The following GJD4 variants were observed in gnomAD, a reference collection of about 807,000 sequenced individuals.
The protein encoded by GJD4 is gap junction protein delta 4.
GJD4 carries 18 observed loss-of-function variants against 17.9 expected under a neutral mutation model. The observed-to-expected ratio is 1.00, with a 90% CI of 0.69 to 1.49. The LOEUF (loss-of-function observed/expected upper bound fraction) is 1.49. Among genes scored for constraint, GJD4 ranks in the 40% most tolerant of loss-of-function variants. The pLI is 0.00. For synonymous variants in GJD4, 293 were observed against 236.8 expected (o/e 1.24, Z -2.18); for missense variants, 639 against 506.9 (o/e 1.26, Z -2.50).
chr10:35,607,401 T>C (rs1835468553), intron 1 of GJD4, 177 bp from the exon 2 acceptor site: 2 of 614,348 alleles, frequency 3.3e-6, no homozygotes, highest in Admixed American at 2.8e-5. Context: ...GCCTGGGCAA[T>C]ATAGCACGAC....
In GJD4 at chr10:35,608,302, G is replaced by A; in HGVS notation, c.789G>A (p.Pro263=). Reference sequence around the variant, plus strand: ...GTGGGCGGGAGGAAGAGGGGGCACCGGCGCCCCCGGGTGCACGCGCCGGAG... The same window carrying A: ...GTGGGCGGGAGGAAGAGGGGGCACCAGCGCCCCCGGGTGCACGCGCCGGAG... ...EEGGREEEGA[P]APPGARAGGE... The change falls in exon 2 of 2, where the codon CCG becomes CCA. Residue 263 remains proline (P), a synonymous_variant. Transcript: ENST00000321660. 2 of 1,548,428 alleles carry A rather than the reference G, an allele frequency of 1.3e-6. No individual in the cohort carries two copies. The highest frequency in any genetic ancestry group is 8.7e-7 in the Non-Finnish European group (1 of 1,149,332).
Position 35,605,357 on chromosome 10 carries a change from A to G in GJD4, c.-211A>G, listed in dbSNP as rs2135487001. 1 of 606,586 alleles carries G rather than the reference A, an allele frequency of 1.6e-6. No homozygotes were observed. Among genetic ancestry groups the G allele is most frequent in the East Asian group, 2.8e-5 (1 of 35,848 alleles). The allele number at this position is 606,586 out of a possible 1,614,324, so 37.6% of individuals were successfully genotyped here. On this transcript the variant is annotated 5_prime_UTR_variant, in exon 1 of 2. Transcript: ENST00000321660. ...TGCTCTGCTGGTCACTGCAGTTGTC[A>G]GGAATGTTTCGCCTCAGAGGCAAAC...
In GJD4 at chr10:35,607,837, C is replaced by G. The variant is rs1448894199; in HGVS notation, c.324C>G (p.Pro108=). 2.5e-6 allele frequency: 4 copies of G among 1,600,094 alleles called. No homozygotes were observed. In the African/African-American group the frequency reaches 5.3e-5, roughly 21 times the overall value. The change falls in exon 2 of 2, where the codon CCC becomes CCG. Residue 108 remains proline, a synonymous_variant. Coordinates refer to ENST00000321660, the MANE Select transcript of GJD4 (RefSeq NM_153368.3). ...GAGCCACGCTCGCCGCGCTGGGCCC[C>G]CGCCGCTGCCCCGACCCCCGGGAGC... The part of the protein sequence containing the change: ...HRGATLAALG[P]RRCPDPREPA...
At position 35,607,260 on chromosome 10, in the gene GJD4, A is replaced by G. The variant is rs143268083; in HGVS notation, c.65-318A>G. Reference sequence around the variant, plus strand: ...AACAAGGATGTTCAGTGCTCAGTAAATATTTGTCAAATGAACTACCTGATG... The same window carrying G: ...AACAAGGATGTTCAGTGCTCAGTAAGTATTTGTCAAATGAACTACCTGATG... On this transcript the variant is annotated intron_variant, in intron 1 of 1. Transcript: ENST00000321660. 9.7e-5 allele frequency: 32 copies of G among 328,438 alleles called. No individual in the cohort carries two copies. In the East Asian group the frequency reaches 1.7e-3, roughly 17 times the overall value. The allele number at this position is 328,438 out of a possible 1,614,324, so 20.3% of individuals were successfully genotyped here.
Position 35,608,001 on chromosome 10 carries a change from T to G in GJD4, c.488T>G (p.Phe163Cys), listed in dbSNP as rs1468631598. 5 of 1,611,904 alleles carry G rather than the reference T, an allele frequency of 3.1e-6. No individual in the cohort carries two copies. The highest frequency in any genetic ancestry group is 4.2e-6 in the Non-Finnish European group (5 of 1,179,548). ...LEAAFGALHY[F>C]LFGFLAPKKF... Reference sequence around the variant, plus strand: ...GCAGCCTTCGGGGCCTTGCACTACTTTCTCTTTGGATTCCTGGCCCCGAAG... The same window carrying G: ...GCAGCCTTCGGGGCCTTGCACTACTGTCTCTTTGGATTCCTGGCCCCGAAG... Residue 163 changes from phenylalanine (F) to cysteine (C), a missense_variant, in exon 2 of 2, where the codon TTT (phenylalanine) becomes TGT (cysteine). By Grantham distance (205) the Phe-to-Cys change is radical (BLOSUM62 -2). Transcript: ENST00000321660.
rs768153609 is a variant in GJD4, at chr10:35,608,270, G to A, written c.757G>A (p.Glu253Lys). Reference protein sequence around the residue: ...SGHAEGRRTDEEGGREEEGAP... With the variant: ...SGHAEGRRTDKEGGREEEGAP... Reference sequence around the variant, plus strand: ...CCACGCGGAGGGACGCCGGACTGACGAGGAGGGTGGGCGGGAGGAAGAGGG... The same window carrying A: ...CCACGCGGAGGGACGCCGGACTGACAAGGAGGGTGGGCGGGAGGAAGAGGG... Residue 253 changes from glutamate to lysine, a missense_variant, in exon 2 of 2, where the codon GAG becomes AAG. Physicochemically the swap from Glu to Lys is moderately conservative, Grantham distance 56 (BLOSUM62 1). Coordinates refer to ENST00000321660, the MANE Select transcript of GJD4 (RefSeq NM_153368.3). The A allele has an allele frequency of 5.1e-6, 8 of 1,566,396 alleles. No homozygotes were observed. Among genetic ancestry groups the A allele is most frequent in the Non-Finnish European group, 6.9e-6 (8 of 1,160,780 alleles).
Position 35,608,792 on chromosome 10 carries a change from G to C in GJD4, c.*166G>C. 1.8e-6 allele frequency: 1 copy of C among 541,790 alleles called. No homozygotes were observed. Among genetic ancestry groups the C allele is most frequent in the South Asian group, 3.1e-5 (1 of 32,114 alleles). The allele number at this position is 541,790 out of a possible 1,614,324, so 33.6% of individuals were successfully genotyped here. On this transcript the variant is annotated 3_prime_UTR_variant, in exon 2 of 2. Transcript: ENST00000321660. ...GTCTCTACAAAATATCTAAAAATTA[G>C]CTGGGCACAGTGGCTCCCTCCTGTA...
intron 1 of GJD4, 24 bp from the exon 2 acceptor site, chr10:35,607,554 C>T: frequency 6.4e-7 from 1 of 1,563,520 alleles, no homozygotes; most frequent in East Asian, 2.2e-5. Flanking sequence ...GGTGATGAGG[C>T]CATGCCCGCT....
At chr10:35,605,757 AC>A in intron 1 of GJD4, 126 bp downstream of exon 1, 1 of 715,174 alleles carries the variant, frequency 1.4e-6, no homozygotes, top group Non-Finnish European at 2.4e-6. Context: ...CTGAAAGTCC[AC>A]CCACTCCCAA....
intron 1 of GJD4, 170 bp downstream of exon 1, chr10:35,605,801 A>C: frequency 1.6e-6 from 1 of 613,592 alleles, no homozygotes; most frequent in Non-Finnish European, 2.9e-6. Flanking sequence ...GAGGGAAGAG[A>C]GCTGAGGCTT....
Position 35,607,924 on chromosome 10 carries a change from CG to C in GJD4, c.412del (p.Asp138ThrfsTer60). The C allele has an allele frequency of 6.2e-7, 1 of 1,605,266 alleles. No homozygotes were observed. The highest frequency in any genetic ancestry group is 8.5e-7 in the Non-Finnish European group (1 of 1,178,534). ...FGERGGLQVP[D>X]FSAGYIIHLL... The stretch of plus-strand genomic sequence containing the variant: ...GGGAGCGCGGCGGCCTCCAGGTGCC[CG>C]ACTTTTCGGCCGGCTACATCATCCA... On this transcript the variant is annotated frameshift_variant, in exon 2 of 2. Coordinates refer to ENST00000321660, the MANE Select transcript of GJD4 (RefSeq NM_153368.3). LOFTEE classifies it high-confidence loss of function.
chr10:35,606,828 G>A (rs765685420), intron 1 of GJD4: 2 of 152,156 alleles, frequency 1.3e-5, no homozygotes, highest in Admixed American at 6.5e-5. Flanking sequence ...AGAAAGACAA[G>A]CCCCATTCAT....
rs1424730802 is a variant in GJD4, at chr10:35,608,792, G to A, written c.*166G>A. On this transcript the variant is annotated 3_prime_UTR_variant, in exon 2 of 2. Transcript: ENST00000321660. ...GTCTCTACAAAATATCTAAAAATTA[G>A]CTGGGCACAGTGGCTCCCTCCTGTA... The A allele has an allele frequency of 1.8e-6, 1 of 541,790 alleles. No individual in the cohort carries two copies. The highest frequency in any genetic ancestry group is 3.2e-6 in the Non-Finnish European group (1 of 315,798). 33.6% of individuals were successfully genotyped at this position (541,790 alleles called of 1,614,324 possible).
In GJD4 at chr10:35,607,559, C is replaced by T. The variant is rs769020984; in HGVS notation, c.65-19C>T. On this transcript the variant is annotated intron_variant, in intron 1 of 1. Coordinates refer to ENST00000321660, the MANE Select transcript of GJD4 (RefSeq NM_153368.3). Reference sequence around the variant, plus strand: ...GTGTATTCGGGGTGATGAGGCCATGCCCGCTTCCTCTCTTCCAGGAAAGCT... The same window carrying T: ...GTGTATTCGGGGTGATGAGGCCATGTCCGCTTCCTCTCTTCCAGGAAAGCT... 1.5e-5 allele frequency: 24 copies of T among 1,589,682 alleles called. No individual in the cohort carries two copies. The highest frequency in any genetic ancestry group is 4.0e-5 in the African/African-American group (3 of 74,494).
Position 35,608,298 on chromosome 10 carries a change from C to A in GJD4, c.785C>A (p.Ala262Glu). 3.9e-6 allele frequency: 6 copies of A among 1,550,196 alleles called. No homozygotes were observed. Among genetic ancestry groups the A allele is most frequent in the Non-Finnish European group, 5.2e-6 (6 of 1,150,514 alleles). The change falls in exon 2 of 2, where the codon GCA becomes GAA. Residue 262 changes from alanine to glutamate, a missense_variant. Ala to Glu is a moderately radical substitution (Grantham distance 107). Coordinates refer to ENST00000321660, the MANE Select transcript of GJD4 (RefSeq NM_153368.3). ...DEEGGREEEG[A>E]PAPPGARAGG... ...GAGGGTGGGCGGGAGGAAGAGGGGG[C>A]ACCGGCGCCCCCGGGTGCACGCGCC...
intron 1 of GJD4, 200 bp from the exon 2 acceptor site, chr10:35,607,378 G>A (rs1390660127): frequency 1.7e-6 from 1 of 587,650 alleles, no homozygotes; most frequent in Non-Finnish European, 3.0e-6. Flanking sequence ...TTGAGGCCAG[G>A]AGTTCAAGAC....
chr10:35,608,879 A>C lies in GJD4; in HGVS notation c.*253A>C, dbSNP rs1835500776. ...TTTGAGCCTGGGAGATCGAGGCTGC[A>C]GTGAGCCAAGATCACGGCACTGCGC... On this transcript the variant is annotated 3_prime_UTR_variant, in exon 2 of 2. Transcript: ENST00000321660. 2 of 332,096 alleles carry C rather than the reference A, an allele frequency of 6.0e-6. No individual in the cohort carries two copies. Among genetic ancestry groups the C allele is most frequent in the Admixed American group, 9.7e-5 (2 of 20,672 alleles). 20.6% of individuals were successfully genotyped at this position (332,096 alleles called of 1,614,324 possible).
chr10:35,605,561 T>A lies in GJD4; in HGVS notation c.-7T>A. 1.2e-6 allele frequency: 2 copies of A among 1,613,346 alleles called. No individual in the cohort carries two copies. On this transcript the variant is annotated 5_prime_UTR_variant, in exon 1 of 2. Coordinates refer to ENST00000321660, the MANE Select transcript of GJD4 (RefSeq NM_153368.3). ...CTGCAGCCTGGAGCCTGGGACATTC[T>A]GGAAGCATGGAAGGCGTGGACTTGC...
rs754401526 is a variant in GJD4 at position 35,607,771 on chromosome 10, C to G, written c.258C>G (p.Leu86=). ...RFWLIQGVCV[L]LPSAVFSVYV... ...GGCTGATCCAGGGCGTGTGCGTCCT[C>G]CTCCCCTCCGCCGTCTTCAGCGTCT... Residue 86 remains leucine (L), a synonymous_variant, in exon 2 of 2, where the codon CTC becomes CTG. Coordinates refer to ENST00000321660, the MANE Select transcript of GJD4 (RefSeq NM_153368.3). 36 of 1,609,996 alleles carry G rather than the reference C, an allele frequency of 2.2e-5. No homozygotes were observed. Among genetic ancestry groups the G allele is most frequent in the Middle Eastern group, 1.6e-4 (1 of 6,082 alleles).
Sources: gnomAD v4.1 joint callset for allele counts on GRCh38, gnomAD v4.1.1 for gene constraint, MANE v1.5 for transcripts, NCBI Gene and HGNC (gene_info 2026-07-23, HGNC 2026-07-21) for gene names.